Variants in ANO2 observed in about 807,000 individuals in gnomAD.
ANO2 encodes anoctamin 2.
In ANO2, 101 loss-of-function variants were observed where a neutral mutation model predicts 124.2. The observed-to-expected ratio is 0.81, with a 90% CI of 0.69 to 0.96. The LOEUF is 0.96. Among genes scored for constraint, ANO2 ranks in the 40% least tolerant of loss-of-function variants. The probability of loss-of-function intolerance (pLI) is 0.00; values close to 1 mark genes in which losing one functional copy is unlikely to be tolerated. For missense variants in ANO2, 1,293 were observed against 1,274.5 expected, an observed-to-expected ratio of 1.01 and a Z score of -0.22; for synonymous variants, 486 against 482.5, an observed-to-expected ratio of 1.01 and a Z score of -0.09.
chr12:5,720,081 A>T (rs1231654890), intron 14 of ANO2, among the ~76,000 whole-genome samples: 3 of 152,024 alleles, frequency 2.0e-5, no homozygotes, highest in Admixed American at 1.3e-4. Flanking sequence ...CCATTCAGTG[A>T]CAGGACTGCA....
rs569497592 is a variant in ANO2 at position 5,827,761 on chromosome 12, G to A, written c.892+8C>T. 3.1e-6 allele frequency: 5 copies of A among 1,609,488 alleles called. No homozygotes were observed. The East Asian group carries it at 1.1e-4, about 36-fold the overall frequency. On this transcript the variant is annotated splice_region_variant and intron_variant, in intron 7 of 24. Coordinates refer to ENST00000682330, the MANE Select transcript of ANO2 (RefSeq NM_001364791.2). ...GTCAGCACCCTGCCCGCGGGCTGGG[G>A]TCCTTACCCATCGTGTTGTTGGCTC...
chr12:5,674,428 CT>C (rs56306748), intron 14 of ANO2, among the ~76,000 whole-genome samples: 68,704 of 151,844 alleles, frequency 0.45, 17,029 homozygotes, highest in Middle Eastern at 0.61. Context: ...CATGTCAACT[CT>C]CCCCACGCAC....
At chr12:5,885,596 G>GT (rs1938833640) in intron 3 of ANO2, among the ~76,000 whole-genome samples, 1 of 152,140 alleles carries the variant, frequency 6.6e-6, no homozygotes, top group Admixed American at 6.5e-5. Flanking sequence ...CCTAAGAAAG[G>GT]TTTTCCCAGA....
chr12:5,902,600 AGGGAAGGGAAT>A (rs1940298420), intron 3 of ANO2, among the ~76,000 whole-genome samples: 1 of 60,590 alleles, frequency 1.7e-5, no homozygotes, highest in African/African-American at 6.6e-5. Flanking sequence ...AAAGAAGGGA[AGGGAAGGGAAT>A]GGGAGGGGAG....
chr12:5,833,614 G>C (rs1351035317), intron 4 of ANO2, among the ~76,000 whole-genome samples: 1 of 152,220 alleles, frequency 6.6e-6, no homozygotes, highest in Non-Finnish European at 1.5e-5. Context: ...CCACACAACA[G>C]GAGGTGCGTG....
chr12:5,596,002 A>G (rs2136876408), intron 20 of ANO2, among the ~76,000 whole-genome samples: 1 of 152,362 alleles, frequency 6.6e-6, no homozygotes, highest in East Asian at 1.9e-4. Flanking sequence ...TCAGAAAGCA[A>G]TTTGGTAAAA....
intron 14 of ANO2, among the ~76,000 whole-genome samples, chr12:5,722,940 T>C (rs569213098): frequency 9.2e-5 from 14 of 152,292 alleles, no homozygotes; most frequent in Admixed American, 3.9e-4. Flanking sequence ...GTATAACTTG[T>C]GTAATTATAA....
chr12:5,628,711 CAT>C (rs1168407741), intron 16 of ANO2, among the ~76,000 whole-genome samples: 3 of 152,082 alleles, frequency 2.0e-5, no homozygotes, highest in Non-Finnish European at 4.4e-5. Flanking sequence ...CGTGCGTGCA[CAT>C]GTGCATGCAT....
chr12:5,719,461 A>T (rs2192184), intron 14 of ANO2, among the ~76,000 whole-genome samples: 53,416 of 152,076 alleles, frequency 0.35, 11,722 homozygotes, highest in East Asian at 0.57. Flanking sequence ...GTTAAGAGAC[A>T]GGGTCTTTAA....
chr12:5,716,424 C>A (rs1950029275), intron 14 of ANO2, among the ~76,000 whole-genome samples: 1 of 152,176 alleles, frequency 6.6e-6, no homozygotes, highest in Non-Finnish European at 1.5e-5. Context: ...TCACTACAGG[C>A]TGCTGGGTTG....
intron 4 of ANO2, among the ~76,000 whole-genome samples, chr12:5,842,595 TC>T (rs1308600747): frequency 1.3e-5 from 2 of 152,194 alleles, no homozygotes; most frequent in Admixed American, 6.5e-5. Flanking sequence ...TGTGCATGAC[TC>T]ACTCTTTCGT....
intron 7 of ANO2, among the ~76,000 whole-genome samples, chr12:5,812,718 AAGGG>A (rs376431074): frequency 1.2e-4 from 3 of 24,284 alleles, no homozygotes; most frequent in African/African-American, 2.5e-4. Context: ...AAGAAGAAGG[AAGGG>A]AGGGAGGGAG....
At chr12:5,640,250 T>G (rs543379183) in intron 15 of ANO2, among the ~76,000 whole-genome samples, 2 of 152,300 alleles carry the variant, frequency 1.3e-5, no homozygotes, top group African/African-American at 2.4e-5. Context: ...ATCTTCTGCC[T>G]AGGTTCAAGC....
chr12:5,614,348 GC>G (rs1182705292), intron 17 of ANO2, among the ~76,000 whole-genome samples: 12 of 152,168 alleles, frequency 7.9e-5, no homozygotes, highest in Admixed American at 7.9e-4. Context: ...CAGGATGGGG[GC>G]AGGCCATGCC....
intron 2 of ANO2, 83 bp downstream of exon 2, chr12:5,922,537 G>C (rs1941755055): frequency 1.4e-6 from 2 of 1,405,036 alleles, no homozygotes; most frequent in Non-Finnish European, 1.9e-6. Context: ...CTCCCAACTG[G>C]AGGATCCCCC....
rs73253263 is a variant in ANO2, at chr12:5,748,264, C to T, written c.1190+2572G>A. ...CACAAGTTCTAAATCCTGATATAAA[C>T]CAGCCCACTGGTGCCCCACCCACTG... is the stretch of plus-strand genomic sequence containing the variant. On this transcript the variant is annotated intron_variant, in intron 11 of 24. Transcript: ENST00000682330. Among the ~76,000 whole-genome samples, 1,084 of 152,322 alleles carry T rather than the reference C, an allele frequency of 7.1e-3. 14 individuals carry two copies. The highest frequency in any genetic ancestry group is 0.025 in the African/African-American group (1,027 of 41,558).
In ANO2 at chr12:5,748,424, T is replaced by A. The variant is rs986605109; in HGVS notation, c.1190+2412A>T. On this transcript the variant is annotated intron_variant, in intron 11 of 24. Coordinates refer to ENST00000682330, the MANE Select transcript of ANO2 (RefSeq NM_001364791.2). ...GGCAAGCCCACGTGAAGCTACTGAG[T>A]TGTGAAGGAGGATATGAGCCCTCCG... Among the ~76,000 whole-genome samples, 6 of 152,054 alleles carry A rather than the reference T, an allele frequency of 3.9e-5. No homozygotes were observed. In the East Asian group the frequency reaches 9.7e-4, roughly 24 times the overall value.
At chr12:5,670,398 G>T (rs1947938395) in intron 14 of ANO2, among the ~76,000 whole-genome samples, 1 of 152,180 alleles carries the variant, frequency 6.6e-6, no homozygotes, top group Non-Finnish European at 1.5e-5. Context: ...TAATGGGAAG[G>T]GGCTGGGAGT....
chr12:5,868,138 G>A lies in ANO2; in HGVS notation c.535-13997C>T, dbSNP rs748534267. Among the ~76,000 whole-genome samples, 257 of 152,060 alleles carry A rather than the reference G, an allele frequency of 1.7e-3. 1 individual carries two copies. Among genetic ancestry groups the A allele is most frequent in the Non-Finnish European group, 1.8e-4 (12 of 67,982 alleles). ...CCATTGTCCACAATGTGATTATTAC[G>A]AATTACATGCCTGTATCAGGGTATC... On this transcript the variant is annotated intron_variant, in intron 3 of 24. Coordinates refer to ENST00000682330, the MANE Select transcript of ANO2 (RefSeq NM_001364791.2).
Sources: gnomAD v4.1 joint callset for allele counts (sites outside exome capture counted in the v4.1 genomes callset) on GRCh38, gnomAD v4.1.1 for gene constraint, MANE v1.5 for transcripts, NCBI Gene and HGNC (gene_info 2026-07-23, HGNC 2026-07-21) for gene names.